Variants in SMIM7 observed in about 807,000 individuals in gnomAD.
SMIM7 encodes the protein small integral membrane protein 7.
A neutral mutation model predicts 13.3 loss-of-function variants in SMIM7; 12 were observed. The ratio of observed to expected loss-of-function variants is 0.90; its 90% CI spans 0.58 to 1.46. The LOEUF is 1.46. Among genes scored for constraint, SMIM7 ranks in the 40% most tolerant of loss-of-function variants. The probability of loss-of-function intolerance (pLI) is 0.00; values close to 1 mark genes in which losing one functional copy is unlikely to be tolerated. For missense variants in SMIM7, 114 were observed against 94.8 expected, an observed-to-expected ratio of 1.20 and a Z score of -0.84; for synonymous variants, 36 against 35.8, an observed-to-expected ratio of 1.01 and a Z score of -0.02.
In SMIM7 at chr19:16,638,301, C is replaced by CTTTTTTTT. The variant is rs375558591; in HGVS notation, c.*138-6585_*138-6578dup. Among the ~76,000 whole-genome samples the CTTTTTTTT allele has an allele frequency of 4.6e-4, 57 of 122,716 alleles. 1 individual carries two copies. The highest frequency in any genetic ancestry group is 7.1e-4 in the East Asian group (3 of 4,240). 80.5% of individuals were successfully genotyped at this position (122,716 alleles called of 152,430 possible). ...GGCAATTAAACCTCTTTTCTTTTTT[C>CTTTTTTTT]TTTTTTTTTTTTTTTTTTTGAGACA... On this transcript the variant is annotated intron_variant and NMD_transcript_variant, in intron 4 of 4. Transcript: ENST00000465250.
At chr19:16,652,322 C>T (rs1200247651) in intron 4 of SMIM7, 1 of 156,318 alleles carries the variant, frequency 6.4e-6, no homozygotes, top group Non-Finnish European at 1.4e-5. Flanking sequence ...CCACCTCAGC[C>T]TCCCGAGGAG....
rs375114339 is a variant in SMIM7, at chr19:16,639,152, T to C, written c.*138-7428A>G. On this transcript the variant is annotated intron_variant and NMD_transcript_variant, in intron 4 of 4. Transcript: ENST00000465250. ...TTTTTTTTTTTTTGAGACGGAGTCTTGCTCTGTCGCCCAGGCTGGAGTGCA... is the reference window on the plus strand; with the variant it reads ...TTTTTTTTTTTTTGAGACGGAGTCTCGCTCTGTCGCCCAGGCTGGAGTGCA... 9.3e-3 allele frequency among the ~76,000 whole-genome samples: 1,405 copies of C among 150,374 alleles called. 9 individuals carry two copies. The highest frequency in any genetic ancestry group is 0.015 in the Non-Finnish European group (1,005 of 67,556).
At chr19:16,655,123 C>T (rs753846535) in intron 3 of SMIM7, 16 of 340,486 alleles carry the variant, frequency 4.7e-5, no homozygotes, top group Non-Finnish European at 8.3e-5. Flanking sequence ...GAAAACAATT[C>T]TGTTGGATGT....
chr19:16,651,312 G>C (rs2086521753), intron 4 of SMIM7, among the ~76,000 whole-genome samples: 1 of 152,206 alleles, frequency 6.6e-6, no homozygotes, highest in Non-Finnish European at 1.5e-5. Flanking sequence ...CTGTGACACA[G>C]AAGCAGCCAC....
At chr19:16,654,507 C>T (rs2122542804) in intron 3 of SMIM7, among the ~76,000 whole-genome samples, 1 of 152,288 alleles carries the variant, frequency 6.6e-6, no homozygotes. Flanking sequence ...CCAGCAGCCT[C>T]TTCCACCTGT....
intron 3 of SMIM7, among the ~76,000 whole-genome samples, chr19:16,658,140 C>T (rs2086620943): frequency 6.6e-6 from 1 of 152,202 alleles, no homozygotes; most frequent in Non-Finnish European, 1.5e-5. Context: ...AATGGCCTTC[C>T]CTTCCACACC....
rs911462320 is a variant in SMIM7 at position 16,636,585 on chromosome 19, A to C, written c.*138-4861T>G. ...AAGGTCTCACCATGTTAGCCAGACT[A>C]AATTTGTTTTGTTTGACACCACGAA... On this transcript the variant is annotated intron_variant and NMD_transcript_variant, in intron 4 of 4. Transcript: ENST00000465250. The C allele has an allele frequency of 2.0e-5, 3 of 152,308 alleles. 1 individual carries two copies. Among genetic ancestry groups the C allele is most frequent in the Admixed American group, 2.0e-4 (3 of 15,286 alleles). The allele number at this position is 152,308 out of a possible 1,614,324, so 9.4% of individuals were successfully genotyped here.
intron 3 of SMIM7, chr19:16,659,194 G>A (rs2086635229): frequency 1.6e-6 from 1 of 640,314 alleles, no homozygotes; most frequent in Non-Finnish European, 2.8e-6. Context: ...GAGGTGGAAG[G>A]ATCACTTTAG....
rs147265855 is a variant in SMIM7 at position 16,648,997 on chromosome 19, C to T, written c.213-1736G>A. Among the ~76,000 whole-genome samples, 248 of 151,880 alleles carry T rather than the reference C, an allele frequency of 1.6e-3. 1 individual carries two copies. Among genetic ancestry groups the T allele is most frequent in the Non-Finnish European group, 2.6e-3 (177 of 67,898 alleles). ...GCCACTGTACTCCAGCTCCAGCCTGCGCAACAGAGTGAGACTCTGTTTCAA... is the reference window on the plus strand; with the variant it reads ...GCCACTGTACTCCAGCTCCAGCCTGTGCAACAGAGTGAGACTCTGTTTCAA... On this transcript the variant is annotated intron_variant, in intron 4 of 4. Transcript: ENST00000487416.
chr19:16,660,138 C>T lies in SMIM7; in HGVS notation c.-28G>A, dbSNP rs746372765. 5.0e-6 allele frequency: 8 copies of T among 1,613,906 alleles called. No homozygotes were observed. The highest frequency in any genetic ancestry group is 4.5e-5 in the East Asian group (2 of 44,872). On this transcript the variant is annotated 5_prime_UTR_variant, in exon 1 of 5. Coordinates refer to ENST00000487416, the MANE Select transcript of SMIM7 (RefSeq NM_024104.4). ...TTACGGCCGAAGCGTCCGTCAGAAC[C>T]GGAAGCGGAAGCCCCAGGGAGGGAG...
intron 3 of SMIM7, among the ~76,000 whole-genome samples, chr19:16,654,454 G>C (rs2086571727): frequency 6.6e-6 from 1 of 152,164 alleles, no homozygotes; most frequent in Admixed American, 6.6e-5. Context: ...TTACTGAGCT[G>C]GGAAGATGTA....
In SMIM7 at chr19:16,654,129, G is replaced by C. The variant is rs763852195; in HGVS notation, c.122-4C>G. 1.2e-6 allele frequency: 2 copies of C among 1,613,362 alleles called. No homozygotes were observed. Among genetic ancestry groups the C allele is most frequent in the Non-Finnish European group, 1.7e-6 (2 of 1,179,436 alleles). ...AAGAATTCCCGGATGTTGTCACCTG[G>C]AAGAATCAGAAAGCACTTTTATGGC... On this transcript the variant is annotated splice_polypyrimidine_tract_variant and splice_region_variant and intron_variant, in intron 3 of 4. Transcript: ENST00000487416.
downstream of SMIM7, among the ~76,000 whole-genome samples, chr19:16,643,632 A>G (rs923010087): frequency 7.9e-5 from 12 of 151,916 alleles, no homozygotes; most frequent in African/African-American, 2.9e-4. Flanking sequence ...CCTGGCCTCA[A>G]GTGATCTACC....
intron 4 of SMIM7, chr19:16,633,797 T>C (rs1163067776): frequency 1.3e-5 from 2 of 152,194 alleles, no homozygotes; most frequent in African/African-American, 4.8e-5. Flanking sequence ...ATAAACTATA[T>C]ACATTGTGAT....
At chr19:16,632,535 ATT>A (rs397933494) in intron 4 of SMIM7, among the ~76,000 whole-genome samples, 55 of 126,868 alleles carry the variant, frequency 4.3e-4, no homozygotes, top group African/African-American at 5.5e-4. Flanking sequence ...AACTGTGAAC[ATT>A]TTTTTTTTTT....
At position 16,654,131 on chromosome 19, in the gene SMIM7, A is replaced by T. The variant is rs773108654; in HGVS notation, c.122-6T>A. On this transcript the variant is annotated splice_polypyrimidine_tract_variant and splice_region_variant and intron_variant, in intron 3 of 4. Coordinates refer to ENST00000487416, the MANE Select transcript of SMIM7 (RefSeq NM_024104.4). ...GAATTCCCGGATGTTGTCACCTGGA[A>T]GAATCAGAAAGCACTTTTATGGCAC... is the stretch of plus-strand genomic sequence containing the variant. The T allele has an allele frequency of 1.2e-6, 2 of 1,612,972 alleles. No homozygotes were observed. Among genetic ancestry groups the T allele is most frequent in the Non-Finnish European group, 1.7e-6 (2 of 1,179,026 alleles).
At chr19:16,633,586 A>AG (rs1280048193) in intron 4 of SMIM7, among the ~76,000 whole-genome samples, 3 of 151,544 alleles carry the variant, frequency 2.0e-5, no homozygotes, top group Non-Finnish European at 4.4e-5. Context: ...ACCTGTATTG[A>AG]GCTGGGCACA....
chr19:16,640,266 G>T (rs1009342909), intron 4 of SMIM7: 30 of 152,220 alleles, frequency 2.0e-4, no homozygotes, highest in African/African-American at 6.7e-4. Flanking sequence ...TAGTAGAGAT[G>T]GGGTTTCACC....
Position 16,659,956 on chromosome 19 carries a change from C to T in SMIM7, c.68+3G>A, listed in dbSNP as rs1450139994. 1 of 1,610,798 alleles carries T rather than the reference C, an allele frequency of 6.2e-7. No individual in the cohort carries two copies. The highest frequency in any genetic ancestry group is 8.5e-7 in the Non-Finnish European group (1 of 1,179,102). On this transcript the variant is annotated splice_donor_region_variant and intron_variant, in intron 2 of 4. Transcript: ENST00000487416. Reference sequence around the variant, plus strand: ...AGCCGCAGTCCGGCCGCGACCTACTCACAGCTTAAAGTTCAGCACCGCCCC... The same window carrying T: ...AGCCGCAGTCCGGCCGCGACCTACTTACAGCTTAAAGTTCAGCACCGCCCC...
Sources: allele counts gnomAD v4.1 joint callset (sites outside exome capture counted in the v4.1 genomes callset), GRCh38; gene constraint gnomAD v4.1.1; transcripts MANE v1.5; gene names NCBI Gene and HGNC (gene_info 2026-07-23, HGNC 2026-07-21).